WWOX: variants seen among roughly 807,000 people sequenced by gnomAD.
The protein encoded by WWOX is WW domain-containing oxidoreductase.
In WWOX, 69 loss-of-function variants were observed where a neutral mutation model predicts 46.2. The observed-to-expected ratio is 1.49, with a 90% CI of 1.23 to 1.82. WWOX has a LOEUF of 1.82. WWOX is among the 40% of genes most tolerant of loss of function. The pLI is 0.00. For missense variants in WWOX, 919 were observed against 542.6 expected, an observed-to-expected ratio of 1.69 and a Z score of -6.89; for synonymous variants, 359 against 202.6, an observed-to-expected ratio of 1.77 and a Z score of -6.56.
chr16:79,159,018 A>G (rs959863194), intron 8 of WWOX, among the ~76,000 whole-genome samples: 4 of 152,220 alleles, frequency 2.6e-5, no homozygotes, highest in African/African-American at 7.2e-5. Flanking sequence ...CTCAAGAACA[A>G]TTTCCTAAAG....
At chr16:78,805,895 T>C (rs1399871172) in intron 8 of WWOX, among the ~76,000 whole-genome samples, 2 of 152,216 alleles carry the variant, frequency 1.3e-5, no homozygotes, top group Non-Finnish European at 2.9e-5. Flanking sequence ...GTCTTCTTTC[T>C]AGCATGCCAG....
intron 8 of WWOX, among the ~76,000 whole-genome samples, chr16:79,120,207 G>T (rs1013257830): frequency 6.6e-6 from 1 of 152,166 alleles, no homozygotes; most frequent in Non-Finnish European, 1.5e-5. Flanking sequence ...GTTCCTCATA[G>T]ACAGGGAATG....
At chr16:78,395,371 T>G (rs931170996) in intron 6 of WWOX, among the ~76,000 whole-genome samples, 2 of 152,062 alleles carry the variant, frequency 1.3e-5, no homozygotes, top group Non-Finnish European at 2.9e-5. Context: ...TTACAGAAAT[T>G]AGTTGGGTGT....
intron 6 of WWOX, among the ~76,000 whole-genome samples, chr16:78,412,860 G>A (rs749914983): frequency 1.3e-5 from 2 of 152,182 alleles, no homozygotes; most frequent in South Asian, 2.1e-4. Context: ...GACCATAAAT[G>A]GGAAGAGAGA....
chr16:78,718,647 A>G (rs1021485410), intron 8 of WWOX, among the ~76,000 whole-genome samples: 1 of 152,080 alleles, frequency 6.6e-6, no homozygotes, highest in African/African-American at 2.4e-5. Flanking sequence ...TTTTGAGGCT[A>G]CCCTGAGCTA....
intron 5 of WWOX, among the ~76,000 whole-genome samples, chr16:78,308,291 G>C (rs986687502): frequency 6.6e-6 from 1 of 152,154 alleles, no homozygotes; most frequent in African/African-American, 2.4e-5. Context: ...CAACTGAATG[G>C]ATCCCTGCCT....
chr16:78,244,274 G>T lies in WWOX; in HGVS notation c.516+79985G>T, dbSNP rs200624209. ...TGTGAAGTGCTCAGCTTTGTGTCTG[G>T]CACATAAGGAAGTGGTCAGTGTTTA... is the stretch of plus-strand genomic sequence containing the variant. On this transcript the variant is annotated intron_variant, in intron 5 of 8. Coordinates refer to ENST00000566780, the MANE Select transcript of WWOX (RefSeq NM_016373.4). 2.6e-5 allele frequency among the ~76,000 whole-genome samples: 4 copies of T among 152,346 alleles called. No individual in the cohort carries two copies. The East Asian group carries it at 7.7e-4, about 29-fold the overall frequency.
intron 4 of WWOX, among the ~76,000 whole-genome samples, chr16:78,156,716 G>T (rs978503156): frequency 6.6e-6 from 1 of 152,168 alleles, no homozygotes; most frequent in Non-Finnish European, 1.5e-5. Context: ...TTGAGGTTAG[G>T]AGTTCGAGAG....
intron 8 of WWOX, among the ~76,000 whole-genome samples, chr16:78,562,339 A>AT (rs2044459924): frequency 6.6e-6 from 1 of 152,180 alleles, no homozygotes; most frequent in South Asian, 2.1e-4. Flanking sequence ...TCTACTCTGA[A>AT]TTCCGCAGTG....
At chr16:78,212,281 A>C (rs2194292) in intron 5 of WWOX, among the ~76,000 whole-genome samples, 1 of 152,060 alleles carries the variant, frequency 6.6e-6, no homozygotes, top group African/African-American at 2.4e-5. Context: ...AGGCTGATCA[A>C]TCTAGGCTGG....
intron 8 of WWOX, among the ~76,000 whole-genome samples, chr16:78,980,756 C>G (rs1350039437): frequency 6.6e-6 from 1 of 152,110 alleles, no homozygotes; most frequent in African/African-American, 2.4e-5. Context: ...ACCTTTCTTA[C>G]TTTTTGAATA....
chr16:78,877,468 C>G (rs895856225), intron 8 of WWOX, among the ~76,000 whole-genome samples: 1 of 152,204 alleles, frequency 6.6e-6, no homozygotes, highest in Non-Finnish European at 1.5e-5. Context: ...AGGCTTTGCT[C>G]AACTGACACT....
At chr16:78,964,191 C>A (rs1357475710) in intron 8 of WWOX, among the ~76,000 whole-genome samples, 1 of 152,120 alleles carries the variant, frequency 6.6e-6, no homozygotes, top group South Asian at 2.1e-4. Context: ...GACTTTGGAA[C>A]TGGGTAACAG....
intron 8 of WWOX, among the ~76,000 whole-genome samples, chr16:79,087,248 C>A (rs1255434387): frequency 6.6e-6 from 1 of 152,214 alleles, no homozygotes; most frequent in Non-Finnish European, 1.5e-5. Context: ...GCCTCTCTTC[C>A]CCAGCCAGGA....
chr16:79,079,061 C>A (rs1163554102), intron 8 of WWOX, among the ~76,000 whole-genome samples: 2 of 152,170 alleles, frequency 1.3e-5, no homozygotes, highest in African/African-American at 2.4e-5. Flanking sequence ...AACAACTTTA[C>A]AATTAGTGCC....
intron 8 of WWOX, among the ~76,000 whole-genome samples, chr16:79,182,357 C>CT (rs2150788943): frequency 6.6e-6 from 1 of 152,204 alleles, no homozygotes; most frequent in South Asian, 2.1e-4. Context: ...CCCTACTTCC[C>CT]TTTTTAACAT....
At chr16:78,777,409 T>C (rs2050217962) in intron 8 of WWOX, among the ~76,000 whole-genome samples, 1 of 152,184 alleles carries the variant, frequency 6.6e-6, no homozygotes, top group African/African-American at 2.4e-5. Flanking sequence ...GTTTAATTTT[T>C]TGTAATTTAA....
chr16:78,686,087 TG>T (rs1277616903), intron 8 of WWOX, among the ~76,000 whole-genome samples: 1 of 152,092 alleles, frequency 6.6e-6, no homozygotes, highest in African/African-American at 2.4e-5. Flanking sequence ...ATCTATAGAT[TG>T]GGGAAAGACA....
intron 8 of WWOX, among the ~76,000 whole-genome samples, chr16:78,944,457 A>G (rs2045911416): frequency 6.6e-6 from 1 of 152,300 alleles, no homozygotes; most frequent in South Asian, 2.1e-4. Flanking sequence ...TCACAATATG[A>G]TACTCTGAAC....
Sources: gnomAD v4.1 joint callset for allele counts (sites outside exome capture counted in the v4.1 genomes callset) on GRCh38, gnomAD v4.1.1 for gene constraint, MANE v1.5 for transcripts, NCBI Gene and HGNC (gene_info 2026-07-23, HGNC 2026-07-21) for gene names.